Variants in EFCAB5 observed in about 807,000 individuals in gnomAD.
EFCAB5 encodes the protein EF-hand calcium binding domain 5.
In EFCAB5, 131 loss-of-function variants were observed where a neutral mutation model predicts 167.9. The ratio of observed to expected loss-of-function variants is 0.78; its 90% CI spans 0.68 to 0.90. The LOEUF is 0.90. Among genes scored for constraint, EFCAB5 ranks in the 40% least tolerant of loss-of-function variants. The probability of loss-of-function intolerance (pLI) is 0.00; values close to 1 mark genes in which losing one functional copy is unlikely to be tolerated. For missense variants in EFCAB5, 1,663 were observed against 1,745.2 expected, an observed-to-expected ratio of 0.95 and a Z score of 0.84; for synonymous variants, 574 against 602.8, an observed-to-expected ratio of 0.95 and a Z score of 0.70.
At chr17:30,050,324 A>G (rs927552023) in intron 8 of EFCAB5, among the ~76,000 whole-genome samples, 11 of 152,070 alleles carry the variant, frequency 7.2e-5, no homozygotes, top group Non-Finnish European at 2.9e-5. Context: ...TAGTAGAGAC[A>G]GGGTTTCTCT....
chr17:30,054,089 T>C lies in EFCAB5; in HGVS notation c.2135T>C (p.Phe712Ser), dbSNP rs1485746935. The change falls in exon 10 of 23, where the codon TTC becomes TCC. Residue 712 changes from phenylalanine to serine, a missense_variant. Physicochemically the swap from Phe to Ser is radical, Grantham distance 155. Coordinates refer to ENST00000394835, the MANE Select transcript of EFCAB5 (RefSeq NM_198529.4). Reference protein sequence around the residue: ...SWEQTYEEEIFLSSELQEEVP... With the variant: ...SWEQTYEEEISLSSELQEEVP... The stretch of plus-strand genomic sequence containing the variant: ...GAACAAACATATGAAGAGGAAATAT[T>C]CCTGAGTTCTGAACTGCAAGAGGAA... 1.3e-6 allele frequency: 2 copies of C among 1,584,764 alleles called. No homozygotes were observed. The highest frequency in any genetic ancestry group is 2.7e-5 in the African/African-American group (2 of 74,250).
At chr17:30,064,092 A>G (rs925956329) in intron 14 of EFCAB5, among the ~76,000 whole-genome samples, 2 of 152,180 alleles carry the variant, frequency 1.3e-5, no homozygotes, top group Non-Finnish European at 2.9e-5. Context: ...ACATCAATGC[A>G]GGGACACAAG....
intron 7 of EFCAB5, among the ~76,000 whole-genome samples, chr17:30,010,775 A>G (rs918459339): frequency 2.0e-5 from 3 of 152,166 alleles, no homozygotes; most frequent in Non-Finnish European, 4.4e-5. Flanking sequence ...CTTTGATGGT[A>G]GTTTCTCTGG....
At chr17:30,067,388 G>A (rs1412237326) in intron 14 of EFCAB5, among the ~76,000 whole-genome samples, 1 of 152,168 alleles carries the variant, frequency 6.6e-6, no homozygotes, top group Non-Finnish European at 1.5e-5. Flanking sequence ...GCCAGGGCAG[G>A]AGGCTCACTT....
chr17:29,985,166 G>T (rs2068254933), intron 4 of EFCAB5, among the ~76,000 whole-genome samples: 1 of 152,170 alleles, frequency 6.6e-6, no homozygotes, highest in Admixed American at 6.6e-5. Flanking sequence ...ACAATTAAAA[G>T]CACAGTTTTT....
At chr17:30,104,716 C>A (rs1488321990) in intron 22 of EFCAB5, among the ~76,000 whole-genome samples, 1 of 152,114 alleles carries the variant, frequency 6.6e-6, no homozygotes, top group South Asian at 2.1e-4. Flanking sequence ...GGGAACCCAG[C>A]AGAGCGCTGG....
chr17:30,023,120 A>T (rs1395790494), intron 7 of EFCAB5, among the ~76,000 whole-genome samples: 1 of 152,074 alleles, frequency 6.6e-6, no homozygotes, highest in African/African-American at 2.4e-5. Context: ...AATTAAAAGA[A>T]CTAGAAAAGA....
intron 22 of EFCAB5, among the ~76,000 whole-genome samples, chr17:30,101,448 G>C (rs973112235): frequency 7.2e-5 from 11 of 152,206 alleles, no homozygotes; most frequent in African/African-American, 2.4e-4. Context: ...AGCTGAGATG[G>C]AGAACACGTA....
At chr17:30,088,724 GGTCACT>G (rs1171013139) in intron 19 of EFCAB5, among the ~76,000 whole-genome samples, 1 of 152,164 alleles carries the variant, frequency 6.6e-6, no homozygotes, top group Non-Finnish European at 1.5e-5. Flanking sequence ...CTTCTTAGGG[GGTCACT>G]GTCGTTGAGT....
At chr17:29,968,466 C>CT in intron 3 of EFCAB5, 1 of 357,118 alleles carries the variant, frequency 2.8e-6, no homozygotes, top group Non-Finnish European at 5.3e-6. Flanking sequence ...GTCCTCTATG[C>CT]TTTTTTGCTG....
chr17:30,016,510 A>G (rs1375115682), intron 7 of EFCAB5, among the ~76,000 whole-genome samples: 1 of 152,152 alleles, frequency 6.6e-6, no homozygotes, highest in Non-Finnish European at 1.5e-5. Flanking sequence ...AGAACCTATT[A>G]ATATCAATAA....
chr17:30,003,507 A>G (rs2068710261), intron 7 of EFCAB5, among the ~76,000 whole-genome samples: 1 of 151,504 alleles, frequency 6.6e-6, no homozygotes, highest in African/African-American at 2.4e-5. Context: ...TGCTGGGATT[A>G]TAGGCGTGAG....
chr17:30,086,684 G>T (rs1349324585), intron 18 of EFCAB5, among the ~76,000 whole-genome samples: 1 of 152,192 alleles, frequency 6.6e-6, no homozygotes, highest in Non-Finnish European at 1.5e-5. Flanking sequence ...CATGAGGTGA[G>T]GAGTTCAAGA....
In EFCAB5 at chr17:30,090,531, T is replaced by C. The variant is rs765014893; in HGVS notation, c.3794T>C (p.Val1265Ala). 1 of 1,613,724 alleles carries C rather than the reference T, an allele frequency of 6.2e-7. No homozygotes were observed. Among genetic ancestry groups the C allele is most frequent in the South Asian group, 1.1e-5 (1 of 91,058 alleles). ...LRERTGEALG[V>A]LDFNIGQNRM... is the part of the protein sequence containing the mutation. Reference sequence around the variant, plus strand: ...GAGAGAACAGGAGAGGCTCTGGGAGTCCTCGATTTTAACATCGGCCAAAAT... The same window carrying C: ...GAGAGAACAGGAGAGGCTCTGGGAGCCCTCGATTTTAACATCGGCCAAAAT... Residue 1265 changes from valine to alanine, a missense_variant, in exon 20 of 23, where the codon GTC becomes GCC. Coordinates refer to ENST00000394835, the MANE Select transcript of EFCAB5 (RefSeq NM_198529.4).
At chr17:29,956,492 T>C (rs2067617907) in intron 3 of EFCAB5, among the ~76,000 whole-genome samples, 1 of 152,256 alleles carries the variant, frequency 6.6e-6, no homozygotes, top group East Asian at 1.9e-4. Context: ...TGACTGTCTG[T>C]GGTTGACAGA....
chr17:29,955,047 T>A (rs977337551), intron 3 of EFCAB5, among the ~76,000 whole-genome samples: 1 of 152,260 alleles, frequency 6.6e-6, no homozygotes, highest in African/African-American at 2.4e-5. Flanking sequence ...ACCCCCATTG[T>A]ATCTAGGAAG....
rs2067214785 is a variant in EFCAB5 at position 29,932,994 on chromosome 17, G to A, written c.-127+3665G>A. 2.0e-5 allele frequency among the ~76,000 whole-genome samples: 3 copies of A among 152,148 alleles called. No homozygotes were observed. The South Asian group carries it at 6.2e-4, about 32-fold the overall frequency. ...GGAAACTAAGATTTGGAAATTATTG[G>A]TGCATGTTCATTAATTTATTTACTA... On this transcript the variant is annotated intron_variant, in intron 1 of 3. Coordinates refer to the EFCAB5 transcript ENST00000448319.
intron 14 of EFCAB5, among the ~76,000 whole-genome samples, chr17:30,066,385 A>G (rs906401100): frequency 6.6e-6 from 1 of 152,062 alleles, no homozygotes; most frequent in Admixed American, 6.5e-5. Context: ...TTTTTTTTGA[A>G]TTTTTACTTT....
At chr17:30,016,913 A>G (rs1336966650) in intron 7 of EFCAB5, among the ~76,000 whole-genome samples, 1 of 152,184 alleles carries the variant, frequency 6.6e-6, no homozygotes, top group East Asian at 1.9e-4. Context: ...ACAGTGGCTC[A>G]TACCTATAAT....
Sources: gnomAD v4.1 joint callset for allele counts (sites outside exome capture counted in the v4.1 genomes callset) on GRCh38, gnomAD v4.1.1 for gene constraint, MANE v1.5 for transcripts, NCBI Gene and HGNC (gene_info 2026-07-23, HGNC 2026-07-21) for gene names.